Variants in NBAS observed in about 807,000 individuals in gnomAD.
NBAS encodes NBAS subunit of NRZ tethering complex, also known as NAG/BC035112 fusion.
Under a neutral mutation model 302.5 loss-of-function variants are expected in NBAS, and 219 were observed. The observed-to-expected ratio is 0.72, with a 90% CI of 0.65 to 0.81. The LOEUF is 0.81. NBAS is among the 30% of genes least tolerant of loss of function. NBAS has a pLI of 0.00. For missense variants in NBAS, 2,932 were observed against 2,841.6 expected (o/e 1.03, Z -0.72); for synonymous variants, 1,118 against 1,021.6 (o/e 1.09, Z -1.80).
At chr2:14,796,200 T>C in the NBAS span, among the ~76,000 whole-genome samples, 1 of 152,212 alleles carries the variant, frequency 6.6e-6, no homozygotes, top group Non-Finnish European at 1.5e-5. Context: ...TTCTGTTCCA[T>C]TTATCTGTCT....
chr2:14,969,970 C>T, the NBAS span, among the ~76,000 whole-genome samples: 1 of 151,814 alleles, frequency 6.6e-6, no homozygotes, highest in South Asian at 2.1e-4. Context: ...TGAAACTTGC[C>T]CAAAGGTAAG....
At chr2:14,900,683 C>T in the NBAS span, among the ~76,000 whole-genome samples, 1 of 152,270 alleles carries the variant, frequency 6.6e-6, no homozygotes, top group Non-Finnish European at 1.5e-5. Flanking sequence ...CTGGAGCATA[C>T]AGATCTGAAT....
chr2:15,345,937 A>C (rs114574650), intron 35 of NBAS, among the ~76,000 whole-genome samples: 6 of 152,154 alleles, frequency 3.9e-5, no homozygotes, highest in African/African-American at 1.4e-4. Flanking sequence ...TGGTGGCGGG[A>C]GAACTGGCTA....
Position 15,451,243 on chromosome 2 carries a change from C to T in NBAS, c.2339+9958G>A, listed in dbSNP as rs556166595. 1.1e-3 allele frequency among the ~76,000 whole-genome samples: 161 copies of T among 152,094 alleles called. 1 individual carries two copies. The highest frequency in any genetic ancestry group is 2.0e-3 in the Admixed American group (30 of 15,268). On this transcript the variant is annotated intron_variant, in intron 21 of 51. Coordinates refer to ENST00000281513, the MANE Select transcript of NBAS (RefSeq NM_015909.4). ...TTATTTTTATTTTCTGTAGAGACAG[C>T]GTCTTACTACATTGCCCAGCTAGTC...
chr2:15,435,787 C>T (rs1342918833), intron 21 of NBAS, among the ~76,000 whole-genome samples: 3 of 152,118 alleles, frequency 2.0e-5, no homozygotes, highest in African/African-American at 7.2e-5. Flanking sequence ...TTTAATCTTT[C>T]GATAGTATAT....
intron 50 of NBAS, among the ~76,000 whole-genome samples, chr2:15,183,337 C>A (rs995958958): frequency 6.6e-6 from 1 of 152,192 alleles, no homozygotes; most frequent in African/African-American, 2.4e-5. Flanking sequence ...GAAACTGAGG[C>A]AGCTTAAGGA....
At chr2:15,186,294 C>A (rs184329844) in intron 50 of NBAS, among the ~76,000 whole-genome samples, 2 of 152,096 alleles carry the variant, frequency 1.3e-5, no homozygotes, top group Admixed American at 1.3e-4. Context: ...CCATACTTCG[C>A]AGAGAAAGAA....
At chr2:15,312,235 C>A (rs1415753590) in intron 38 of NBAS, among the ~76,000 whole-genome samples, 1 of 152,156 alleles carries the variant, frequency 6.6e-6, no homozygotes, top group African/African-American at 2.4e-5. Flanking sequence ...CTTAATCCCA[C>A]CTTACATCCT....
the NBAS span, among the ~76,000 whole-genome samples, chr2:14,907,976 G>T: frequency 5.9e-5 from 9 of 152,206 alleles, no homozygotes; most frequent in Non-Finnish European, 1.0e-4. Flanking sequence ...CTCCGAATCA[G>T]CATCACCAGC....
the NBAS span, among the ~76,000 whole-genome samples, chr2:15,092,747 ACT>A: frequency 1.3e-5 from 2 of 152,082 alleles, no homozygotes; most frequent in Admixed American, 6.5e-5. Flanking sequence ...AGGATAATTG[ACT>A]CTATATGAAG....
chr2:15,283,503 T>G (rs1026868161), intron 42 of NBAS, among the ~76,000 whole-genome samples: 5 of 152,180 alleles, frequency 3.3e-5, no homozygotes, highest in Non-Finnish European at 5.9e-5. Flanking sequence ...TCTGCACTTC[T>G]CCTTCCTGCC....
the NBAS span, among the ~76,000 whole-genome samples, chr2:14,790,501 A>C: frequency 1.4e-4 from 21 of 152,304 alleles, no homozygotes; most frequent in Admixed American, 3.9e-4. Flanking sequence ...AAAAAGTCCA[A>C]GTAGGGGAGG....
the NBAS span, among the ~76,000 whole-genome samples, chr2:15,068,308 C>T: frequency 1.3e-5 from 2 of 152,208 alleles, no homozygotes; most frequent in African/African-American, 2.4e-5. Flanking sequence ...ATGATCCATA[C>T]ATTCATCGAT....
the NBAS span, among the ~76,000 whole-genome samples, chr2:14,843,943 C>T: frequency 1.8e-4 from 27 of 152,028 alleles, no homozygotes; most frequent in African/African-American, 6.5e-4. Flanking sequence ...GCCTCGGGCC[C>T]TAAATTAACT....
the NBAS span, among the ~76,000 whole-genome samples, chr2:14,997,419 G>T: frequency 6.7e-6 from 1 of 149,376 alleles, no homozygotes; most frequent in Admixed American, 6.7e-5. Context: ...CTCAACATTT[G>T]CCCAGCACTG....
At chr2:14,845,997 G>T in the NBAS span, among the ~76,000 whole-genome samples, 4 of 152,062 alleles carry the variant, frequency 2.6e-5, no homozygotes, top group Non-Finnish European at 4.4e-5. Context: ...TATTCAAAGC[G>T]ATAATAACAC....
the NBAS span, among the ~76,000 whole-genome samples, chr2:15,113,867 A>T: frequency 6.6e-6 from 1 of 152,150 alleles, no homozygotes; most frequent in African/African-American, 2.4e-5. Context: ...TAAAATCAAA[A>T]ACCACCATTT....
Position 15,485,460 on chromosome 2 carries a change from T to C in NBAS, c.1083+3434A>G, listed in dbSNP as rs370741416. On this transcript the variant is annotated intron_variant, in intron 12 of 51. Transcript: ENST00000281513. ...ATAAATAAGTATTCTTCCACTTATC[T>C]TTTTGTTGTTTTATGTATTTCTTTC... Among the ~76,000 whole-genome samples the C allele has an allele frequency of 2.7e-3, 407 of 152,334 alleles. 2 individuals carry two copies. The highest frequency in any genetic ancestry group is 4.7e-3 in the Non-Finnish European group (320 of 68,022).
chr2:15,538,448 A>G, intron 7 of NBAS: 1 of 338,224 alleles, frequency 3.0e-6, no homozygotes, highest in South Asian at 2.5e-5. Flanking sequence ...AAAAGCTTAT[A>G]AACAATATTA....
Sources: gnomAD v4.1 joint callset for allele counts (sites outside exome capture counted in the v4.1 genomes callset) on GRCh38, gnomAD v4.1.1 for gene constraint, MANE v1.5 for transcripts, NCBI Gene and HGNC (gene_info 2026-07-23, HGNC 2026-07-21) for gene names.